The following RAD54B variants were observed in gnomAD, a reference collection of about 807,000 sequenced individuals.
RAD54B encodes RAD54 homolog B.
In RAD54B, 78 loss-of-function variants were observed where a neutral mutation model predicts 95.8. The observed-to-expected ratio is 0.81, with a 90% CI of 0.68 to 0.98. The LOEUF is 0.98. RAD54B is among the 50% of genes least tolerant of loss of function. The probability of loss-of-function intolerance (pLI) is 0.00; values close to 1 mark genes in which losing one functional copy is unlikely to be tolerated. For synonymous variants in RAD54B, 328 were observed against 354.9 expected, an observed-to-expected ratio of 0.92 and a Z score of 0.85; for missense variants, 957 against 1,056.6, an observed-to-expected ratio of 0.91 and a Z score of 1.31.
At chr8:94,432,557 T>G in intron 3 of RAD54B, 1 of 1,550,338 alleles carries the variant, frequency 6.5e-7, no homozygotes, top group Non-Finnish European at 8.7e-7. Context: ...GTTTAATGTC[T>G]TCTTCTTGCT....
chr8:94,428,830 TA>T, intron 3 of RAD54B: 3 of 984,866 alleles, frequency 3.0e-6, no homozygotes, highest in Non-Finnish European at 3.6e-6. Flanking sequence ...AGTAGTCCCC[TA>T]ACTCAAAAAA....
chr8:94,432,303 T>C, intron 3 of RAD54B: 1 of 1,550,368 alleles, frequency 6.5e-7, no homozygotes, highest in Non-Finnish European at 8.7e-7. Flanking sequence ...AATTATCTGA[T>C]GCTCCTCTTT....
At chr8:94,412,689 AT>A (rs962597720) in intron 3 of RAD54B, among the ~76,000 whole-genome samples, 4 of 151,938 alleles carry the variant, frequency 2.6e-5, no homozygotes, top group African/African-American at 7.3e-5. Context: ...AAATGAAGTA[AT>A]TTTTTTTCCT....
At chr8:94,422,969 A>G (rs542098994) in intron 3 of RAD54B, among the ~76,000 whole-genome samples, 1 of 151,628 alleles carries the variant, frequency 6.6e-6, no homozygotes, top group Admixed American at 6.6e-5. Flanking sequence ...CTAATTGGGA[A>G]AGAGAATATG....
intron 3 of RAD54B, among the ~76,000 whole-genome samples, chr8:94,444,527 C>CA (rs1345575013): frequency 1.3e-5 from 2 of 151,506 alleles, no homozygotes; most frequent in African/African-American, 4.8e-5. Flanking sequence ...AAACAAAAAA[C>CA]ATCCAAGGCA....
intron 2 of RAD54B, among the ~76,000 whole-genome samples, chr8:94,465,491 A>G (rs1034935870): frequency 6.6e-6 from 1 of 152,240 alleles, no homozygotes; most frequent in Non-Finnish European, 1.5e-5. Context: ...CAATAATAAA[A>G]AAATTTTTTA....
Position 94,372,108 on chromosome 8 carries a change from A to G in RAD54B, c.*62T>C. On this transcript the variant is annotated 3_prime_UTR_variant, in exon 15 of 15. Transcript: ENST00000336148. ...ATAATTCTATTAATTTTCAAAAAGT[A>G]CATTTAATTACCATACTAATTTTCA... is the stretch of plus-strand genomic sequence containing the variant. 6.6e-7 allele frequency: 1 copy of G among 1,508,314 alleles called. No individual in the cohort carries two copies. Among genetic ancestry groups the G allele is most frequent in the South Asian group, 1.3e-5 (1 of 74,816 alleles). 93.4% of individuals were successfully genotyped at this position (1,508,314 alleles called of 1,614,324 possible).
chr8:94,396,679 T>C (rs1044428280), intron 8 of RAD54B, among the ~76,000 whole-genome samples: 1 of 152,162 alleles, frequency 6.6e-6, no homozygotes, highest in African/African-American at 2.4e-5. Flanking sequence ...TGAAAGGGCA[T>C]TGAAGATCTT....
chr8:94,452,498 A>G (rs1314116439), intron 3 of RAD54B, among the ~76,000 whole-genome samples: 1 of 150,790 alleles, frequency 6.6e-6, no homozygotes, highest in Non-Finnish European at 1.5e-5. Flanking sequence ...ACTATCCTTA[A>G]TTTTTTCTTT....
At chr8:94,415,492 G>C (rs1160009002) in intron 3 of RAD54B, among the ~76,000 whole-genome samples, 7 of 147,466 alleles carry the variant, frequency 4.7e-5, no homozygotes, top group African/African-American at 1.7e-4. Context: ...AAAAGCAATG[G>C]CAACAAAAGC....
At chr8:94,435,318 A>ATAAGCAGTATCAT (rs2130117173) in intron 3 of RAD54B, among the ~76,000 whole-genome samples, 1 of 152,226 alleles carries the variant, frequency 6.6e-6, no homozygotes, top group East Asian at 1.9e-4. Flanking sequence ...TCAAGTAGAA[A>ATAAGCAGTATCAT]TAAGCAGTAT....
At chr8:94,405,061 A>C (rs1397624585) in intron 5 of RAD54B, among the ~76,000 whole-genome samples, 2 of 152,042 alleles carry the variant, frequency 1.3e-5, no homozygotes, top group East Asian at 3.9e-4. Context: ...TGATCTGCCC[A>C]CCTCAGCCTC....
In RAD54B at chr8:94,442,238, A is replaced by G. The variant is rs578127835; in HGVS notation, c.304+16030T>C. On this transcript the variant is annotated intron_variant, in intron 3 of 14. Coordinates refer to ENST00000336148, the MANE Select transcript of RAD54B (RefSeq NM_012415.3). ...GATTAGTGGTTGCCAGAGGCTGGGA[A>G]GGAGAGGTGGGGATTAAGAGAGGTT... Among the ~76,000 whole-genome samples, 28 of 152,288 alleles carry G rather than the reference A, an allele frequency of 1.8e-4. No individual in the cohort carries two copies. In the East Asian group the frequency reaches 4.8e-3, roughly 26 times the overall value.
chr8:94,405,039 C>A (rs1303305726), intron 5 of RAD54B, among the ~76,000 whole-genome samples: 1 of 152,096 alleles, frequency 6.6e-6, no homozygotes, highest in Non-Finnish European at 1.5e-5. Context: ...GTCACGAACT[C>A]CTGACCTCAA....
chr8:94,436,475 C>A, intron 3 of RAD54B: 1 of 1,513,698 alleles, frequency 6.6e-7, no homozygotes, highest in Non-Finnish European at 8.8e-7. Context: ...TTTTCCATAA[C>A]AAAACAAAAT....
intron 3 of RAD54B, among the ~76,000 whole-genome samples, chr8:94,425,180 G>A (rs138498053): frequency 2.6e-5 from 4 of 151,070 alleles, no homozygotes; most frequent in Admixed American, 2.6e-4. Flanking sequence ...AGCCACTCTG[G>A]AGTTGAATGA....
rs748391030 is a variant in RAD54B at position 94,400,346 on chromosome 8, T to C, written c.1062A>G (p.Val354=). ...QCQGPYGGKP[V]IKKTLIVTPG... ...GTGTGACAATTAGTGTCTTCTTTAT[T>C]ACTGGCTTGCCTCCATAGGGTCCCT... The change falls in exon 7 of 15, where the codon GTA becomes GTG. Residue 354 remains valine, a synonymous_variant. Coordinates refer to ENST00000336148, the MANE Select transcript of RAD54B (RefSeq NM_012415.3). 2.5e-6 allele frequency: 4 copies of C among 1,613,706 alleles called. No homozygotes were observed. The African/African-American group carries it at 5.3e-5, about 22-fold the overall frequency.
chr8:94,472,182 T>A (rs886082502), intron 1 of RAD54B, among the ~76,000 whole-genome samples: 1 of 152,170 alleles, frequency 6.6e-6, no homozygotes, highest in African/African-American at 2.4e-5. Flanking sequence ...AAACAGATGG[T>A]TTTTGACTGC....
intron 3 of RAD54B, among the ~76,000 whole-genome samples, chr8:94,453,259 C>T (rs568551003): frequency 2.0e-5 from 3 of 152,204 alleles, no homozygotes; most frequent in Admixed American, 6.5e-5. Flanking sequence ...CCGGGCACAG[C>T]GGCTCACGTC....
Sources: allele counts gnomAD v4.1 joint callset (sites outside exome capture counted in the v4.1 genomes callset), GRCh38; gene constraint gnomAD v4.1.1; transcripts MANE v1.5; gene names NCBI Gene and HGNC (gene_info 2026-07-23, HGNC 2026-07-21).